DST: variants seen among roughly 807,000 people sequenced by gnomAD.
The protein encoded by DST is dystonin, also known as bullous pemphigoid antigen.
Under a neutral mutation model 875.2 loss-of-function variants are expected in DST, and 253 were observed. That is an observed-to-expected ratio of 0.29 (90% confidence interval 0.26 to 0.32). The LOEUF (loss-of-function observed/expected upper bound fraction) is 0.32. DST is among the 10% of genes least tolerant of loss of function. DST has a pLI of 1.00. For missense variants in DST, 8,287 were observed against 9,111.6 expected (o/e 0.91, Z 3.68); for synonymous variants, 3,124 against 3,197.1 (o/e 0.98, Z 0.77).
intron 3 of DST, among the ~76,000 whole-genome samples, chr6:56,867,815 G>A (rs1237724685): frequency 2.6e-5 from 4 of 151,564 alleles, no homozygotes; most frequent in African/African-American, 9.7e-5. Flanking sequence ...TCTGGCGACA[G>A]AGCGAGACTC....
intron 4 of DST, chr6:56,851,167 C>T: frequency 1.9e-6 from 1 of 540,164 alleles, no homozygotes; most frequent in Non-Finnish European, 3.3e-6. Context: ...TCAAAGGAAT[C>T]GATTCGTCCA....
intron 9 of DST, chr6:56,693,051 T>C: frequency 7.8e-7 from 1 of 1,289,826 alleles, no homozygotes; most frequent in South Asian, 1.2e-5. Context: ...TGAAATATTT[T>C]CTTCCAGGAG....
At chr6:56,503,644 T>G (rs1449325452) in intron 78 of DST, among the ~76,000 whole-genome samples, 1 of 140,664 alleles carries the variant, frequency 7.1e-6, no homozygotes, top group Non-Finnish European at 1.6e-5. Context: ...GTCCCTAACA[T>G]GAAGATATCA....
intron 9 of DST, among the ~76,000 whole-genome samples, chr6:56,681,299 GC>G (rs2099156307): frequency 6.6e-6 from 1 of 152,142 alleles, no homozygotes. Flanking sequence ...GTCCTCTGCA[GC>G]CTCATCTCTC....
chr6:56,927,243 A>G (rs1434695457), intron 2 of DST, among the ~76,000 whole-genome samples: 1 of 152,166 alleles, frequency 6.6e-6, no homozygotes, highest in Non-Finnish European at 1.5e-5. Flanking sequence ...ATTATATGAT[A>G]CCAAACTAGT....
rs771965638 is a variant in DST at position 56,607,125 on chromosome 6, T to C, written c.7503A>G (p.Pro2501=). 15 of 1,613,418 alleles carry C rather than the reference T, an allele frequency of 9.3e-6. No individual in the cohort carries two copies. The highest frequency in any genetic ancestry group is 9.3e-6 in the Non-Finnish European group (11 of 1,179,612). ...LGIAAINISL[P]GEQYGQKSLN... ...AAGATTTCTGTCCATACTGCTCTCC[T>C]GGTAAACTGATGTTAATAGCTGCAA... is the stretch of plus-strand genomic sequence containing the variant. Residue 2501 remains proline (P), a synonymous_variant, in exon 40 of 104, where the codon CCA becomes CCG. Transcript: ENST00000680361.
At chr6:56,578,739 T>G in intron 50 of DST, 75 bp downstream of exon 50, 2 of 1,490,362 alleles carry the variant, frequency 1.3e-6, no homozygotes, top group Non-Finnish European at 1.8e-6. Flanking sequence ...AGTGAACATT[T>G]TTCTCCATAT....
intron 4 of DST, among the ~76,000 whole-genome samples, chr6:56,750,346 C>T (rs753425857): frequency 6.6e-6 from 1 of 152,162 alleles, no homozygotes; most frequent in Non-Finnish European, 1.5e-5. Context: ...GCTGCCAAAG[C>T]AAGCACCATA....
intron 10 of DST, among the ~76,000 whole-genome samples, chr6:56,655,807 A>G (rs972308919): frequency 2.6e-5 from 4 of 152,148 alleles, no homozygotes; most frequent in African/African-American, 9.6e-5. Flanking sequence ...CATTTCCTCC[A>G]GGAAGTACTT....
At position 56,501,563 on chromosome 6, in the gene DST, T is replaced by C. The variant is rs2096126648; in HGVS notation, c.19697A>G (p.Lys6566Arg). 5.0e-6 allele frequency: 8 copies of C among 1,606,206 alleles called. No individual in the cohort carries two copies. The highest frequency in any genetic ancestry group is 6.8e-6 in the Non-Finnish European group (8 of 1,175,996). Reference protein sequence around the residue: ...HTVQDPLMELKLIWDSLEERI... With the variant: ...HTVQDPLMELRLIWDSLEERI... Reference sequence around the variant, plus strand: ...CTCCTCCAGGCTATCCCATATCAATTTCAGTTCCATTAATGGGTCTTGAAC... The same window carrying C: ...CTCCTCCAGGCTATCCCATATCAATCTCAGTTCCATTAATGGGTCTTGAAC... The change falls in exon 79 of 104, where the codon AAA (lysine) becomes AGA (arginine). Residue 6566 changes from lysine to arginine, a missense_variant. This residue lies in a region of DST where 1,292 missense variants were observed against 1,552.7 expected (regional missense o/e 0.83). Transcript: ENST00000680361.
chr6:56,919,777 T>C (rs767565132), intron 2 of DST, among the ~76,000 whole-genome samples: 10 of 152,124 alleles, frequency 6.6e-5, no homozygotes, highest in Non-Finnish European at 1.2e-4. Context: ...TGAAACCCCA[T>C]CTCTACTAAA....
chr6:56,618,720 T>C (rs758405219), intron 36 of DST: 1 of 1,613,820 alleles, frequency 6.2e-7, no homozygotes, highest in Non-Finnish European at 8.5e-7. Flanking sequence ...ATGCCTGAAA[T>C]ATCATTTTCA....
intron 38 of DST, among the ~76,000 whole-genome samples, 160 bp from the exon 39 acceptor site, chr6:56,610,722 G>A (rs918249516): frequency 6.6e-6 from 1 of 152,090 alleles, no homozygotes; most frequent in African/African-American, 2.4e-5. Flanking sequence ...ATTAAGAATG[G>A]CCTTAAAATA....
In DST at chr6:56,784,043, A is replaced by G. The variant is rs373763191; in HGVS notation, c.626-48754T>C. On this transcript the variant is annotated intron_variant, in intron 4 of 103. Coordinates refer to ENST00000680361, the MANE Select transcript of DST (RefSeq NM_001374736.1). ...AAAATTCTTTTCTTTAAGAATGTTG[A>G]ATATTGGCCCCCACTCTCTTCTGGC... Among the ~76,000 whole-genome samples, 8 of 152,270 alleles carry G rather than the reference A, an allele frequency of 5.3e-5. No homozygotes were observed. The East Asian group carries it at 7.7e-4, about 15-fold the overall frequency.
At chr6:56,517,415 A>C in intron 70 of DST, 86 bp downstream of exon 70, 1 of 1,595,568 alleles carries the variant, frequency 6.3e-7, no homozygotes, top group Non-Finnish European at 8.5e-7. Flanking sequence ...GAGGGGTCTT[A>C]AAAAGTAAAT....
At chr6:56,920,855 A>C (rs1156582042) in intron 2 of DST, among the ~76,000 whole-genome samples, 1 of 140,132 alleles carries the variant, frequency 7.1e-6, no homozygotes, top group African/African-American at 2.6e-5. Flanking sequence ...CAGCCTCCGG[A>C]GTAGCTGTGA....
At chr6:56,918,355 G>A (rs1802378976) in intron 2 of DST, among the ~76,000 whole-genome samples, 1 of 151,982 alleles carries the variant, frequency 6.6e-6, no homozygotes, top group Non-Finnish European at 1.5e-5. Context: ...CCAAACTCCC[G>A]ACCTCAAGAG....
In DST at chr6:56,629,371, C is replaced by T. The variant is rs1272479035; in HGVS notation, c.4354G>A (p.Ala1452Thr). The T allele has an allele frequency of 3.1e-6, 5 of 1,613,562 alleles. No individual in the cohort carries two copies. Among genetic ancestry groups the T allele is most frequent in the Non-Finnish European group, 4.2e-6 (5 of 1,179,752 alleles). Residue 1452 changes from alanine (A) to threonine (T), a missense_variant, in exon 32 of 104, where the codon GCC becomes ACC. Ala to Thr is a moderately conservative substitution (Grantham distance 58). Transcript: ENST00000680361. ...ALEDELQKAK[A>T]ISDEMFKTYK... ...GTTTTAAACATTTCATCACTGATGG[C>T]TTTAGCTTTCTGCAACTCATCCTCT...
chr6:56,636,438 G>GTGTGTATATATATATT, intron 23 of DST, 119 bp downstream of exon 23: 1 of 726,652 alleles, frequency 1.4e-6, no homozygotes, highest in South Asian at 1.4e-5. Flanking sequence ...ATATATATAT[G>GTGTGTATATATATATT]TGTGTATATA....
Sources: gnomAD v4.1 joint callset for allele counts (sites outside exome capture counted in the v4.1 genomes callset) on GRCh38, gnomAD v4.1.1 for gene constraint, gnomAD v4.1.1 regional missense constraint, MANE v1.5 for transcripts, NCBI Gene and HGNC (gene_info 2026-07-23, HGNC 2026-07-21) for gene names.